The following CST3 variants were observed in gnomAD, a reference collection of about 807,000 sequenced individuals.
CST3 encodes cystatin-C.
CST3 carries 14 observed loss-of-function variants against 9.0 expected under a neutral mutation model. The ratio of observed to expected loss-of-function variants is 1.56; its 90% CI spans 1.03 to 2.44. The LOEUF (loss-of-function observed/expected upper bound fraction) is 2.44. Ranked by LOEUF, CST3 falls within the 30% of genes most tolerant of loss-of-function variation. The probability of loss-of-function intolerance (pLI) is 0.00; values close to 1 mark genes in which losing one functional copy is unlikely to be tolerated. For synonymous variants in CST3, 96 were observed against 90.2 expected (o/e 1.06, Z -0.37); for missense variants, 237 against 204.3 (o/e 1.16, Z -0.98).
chr20:23,636,073 C>G (rs1470738196), intron 1 of CST3, among the ~76,000 whole-genome samples: 1 of 152,182 alleles, frequency 6.6e-6, no homozygotes, highest in African/African-American at 2.4e-5. Context: ...TGTGATCCCT[C>G]TGGTGTCAGT....
chr20:23,637,487 G>A (rs1247265151), intron 1 of CST3, 133 bp downstream of exon 1: 3 of 918,264 alleles, frequency 3.3e-6, no homozygotes, highest in East Asian at 6.5e-5. Flanking sequence ...GGGGGTGACA[G>A]CGAAGACCGG....
At chr20:23,632,154 A>C (rs734801), downstream of CST3, 2 of 152,302 alleles carry the variant, frequency 1.3e-5, no homozygotes, top group African/African-American at 4.8e-5. Flanking sequence ...GCAGGGAAGG[A>C]AGCAGACACA....
chr20:23,627,615 G>C (rs780926214), exon 4 of CST3: 9 of 152,158 alleles, frequency 5.9e-5, no homozygotes, highest in Non-Finnish European at 4.4e-5. Context: ...GAAAACTTGT[G>C]AAACTGTTTT....
At chr20:23,632,353 C>T (rs1418684599), downstream of CST3, 3 of 152,248 alleles carry the variant, frequency 2.0e-5, no homozygotes, top group Non-Finnish European at 4.4e-5. Context: ...TGCAGGGACC[C>T]TTTACCACTG....
chr20:23,626,912 G>A (rs1979275952), exon 4 of CST3: 1 of 152,136 alleles, frequency 6.6e-6, no homozygotes, highest in African/African-American at 2.4e-5. Context: ...GTTTAATTTT[G>A]TCGAGGCTTG....
intron 2 of CST3, 127 bp from the exon 3 acceptor site, chr20:23,634,126 T>G: frequency 1.3e-6 from 1 of 765,036 alleles, no homozygotes; most frequent in Non-Finnish European, 2.3e-6. Flanking sequence ...TATCTACCCC[T>G]CCACCCACCC....
downstream of CST3, among the ~76,000 whole-genome samples, chr20:23,632,926 C>T (rs1417393576): frequency 2.0e-5 from 3 of 152,210 alleles, no homozygotes; most frequent in African/African-American, 7.2e-5. Context: ...ACTGCATTGT[C>T]GGTCTCATTT....
exon 4 of CST3, chr20:23,628,053 TG>T (rs1490788477): frequency 7.2e-5 from 11 of 152,094 alleles, no homozygotes; most frequent in East Asian, 5.8e-4. Flanking sequence ...TCATGTGTGT[TG>T]TTTTTTTTTG....
chr20:23,635,455 G>T, intron 1 of CST3, 88 bp from the exon 2 acceptor site: 1 of 1,173,226 alleles, frequency 8.5e-7, no homozygotes, highest in Non-Finnish European at 1.2e-6. Context: ...CGGGTCACTG[G>T]GCTTGCCTGG....
At chr20:23,628,351 C>G (rs900485201) in exon 4 of CST3, 12 of 152,190 alleles carry the variant, frequency 7.9e-5, no homozygotes, top group African/African-American at 2.7e-4. Flanking sequence ...TCCTTGAACA[C>G]AAGTCCATTG....
At position 23,637,605 on chromosome 20, in the gene CST3, G is replaced by C. The variant is rs778669526; in HGVS notation, c.243+15C>G. 5 of 1,509,052 alleles carry C rather than the reference G, an allele frequency of 3.3e-6. No individual in the cohort carries two copies. The South Asian group carries it at 5.0e-5, about 15-fold the overall frequency. 93.5% of individuals were successfully genotyped at this position (1,509,052 alleles called of 1,614,324 possible). On this transcript the variant is annotated intron_variant, in intron 1 of 2. Transcript: ENST00000376925. ...CGGGGCCGGGGCTTCGGACCCTGCG[G>C]GGGGCGGCACGCACCTGCTTGCGGG...
rs749804609 is a variant in CST3, at chr20:23,633,906, G to C, written c.*10C>G. On this transcript the variant is annotated 3_prime_UTR_variant, in exon 3 of 3. Coordinates refer to ENST00000376925, the MANE Select transcript of CST3 (RefSeq NM_000099.4). ...GAGGTGATAGGCACAGGCCAGCCCG[G>C]TACAGACCCCTAGGCGTCCTGACAG... The C allele has an allele frequency of 9.3e-6, 15 of 1,612,678 alleles. No individual in the cohort carries two copies. The Admixed American group carries it at 1.3e-4, about 14-fold the overall frequency.
At chr20:23,634,307 G>A (rs774968433) in intron 2 of CST3, among the ~76,000 whole-genome samples, 3 of 152,288 alleles carry the variant, frequency 2.0e-5, no homozygotes, top group Non-Finnish European at 1.5e-5. Context: ...TAAGGGTACA[G>A]GGCAGGGGGA....
downstream of CST3, among the ~76,000 whole-genome samples, chr20:23,632,613 G>T (rs113343416): frequency 3.2e-3 from 481 of 152,312 alleles, no homozygotes; most frequent in African/African-American, 0.011. Context: ...GTGGGGTGCT[G>T]GCCTTGGCGC....
chr20:23,637,681 T>C lies in CST3; in HGVS notation c.182A>G (p.Asn61Ser). Residue 61 changes from asparagine (N) to serine (S), a missense_variant, in exon 1 of 3, where the codon AAC becomes AGC. Coordinates refer to ENST00000376925, the MANE Select transcript of CST3 (RefSeq NM_000099.4). ...RALDFAVGEY[N>S]KASNDMYHSR... ...GTGGTACATGTCGTTGCTGGCTTTG[T>C]TGTACTCGCCGACGGCAAAGTCCAG... 1.3e-6 allele frequency: 2 copies of C among 1,540,310 alleles called. No individual in the cohort carries two copies. Among genetic ancestry groups the C allele is most frequent in the Non-Finnish European group, 1.7e-6 (2 of 1,143,906 alleles).
chr20:23,634,081 G>C (rs1979562257), intron 2 of CST3, 82 bp from the exon 3 acceptor site: 1 of 1,129,592 alleles, frequency 8.9e-7, no homozygotes, highest in Non-Finnish European at 1.3e-6. Context: ...ATCAGAGTGG[G>C]AGTGAAGAAG....
chr20:23,632,198 C>G (rs926366581), downstream of CST3: 1 of 152,338 alleles, frequency 6.6e-6, no homozygotes, highest in Non-Finnish European at 1.5e-5. Flanking sequence ...CACAGCCCGC[C>G]CCCAACCTCA....
intron 1 of CST3, among the ~76,000 whole-genome samples, chr20:23,637,195 C>T (rs1979710520): frequency 6.6e-6 from 1 of 152,190 alleles, no homozygotes; most frequent in Admixed American, 6.5e-5. Context: ...TTAAAAGAAA[C>T]AAAAGTGCTT....
In CST3 at chr20:23,637,903, G is replaced by C; in HGVS notation, c.-41C>G. On this transcript the variant is annotated 5_prime_UTR_variant, in exon 1 of 3. Coordinates refer to ENST00000376925, the MANE Select transcript of CST3 (RefSeq NM_000099.4). ...GGGACGCGGGGAGTGGGGCGCAGGC[G>C]AGAGGCTGGAGCTAGATAGAGAGGA... The C allele has an allele frequency of 7.3e-7, 1 of 1,377,612 alleles. No individual in the cohort carries two copies. Among genetic ancestry groups the C allele is most frequent in the Non-Finnish European group, 9.3e-7 (1 of 1,076,466 alleles). The allele number at this position is 1,377,612 out of a possible 1,614,324, so 85.3% of individuals were successfully genotyped here. A position where few individuals can be genotyped will look rare whatever the true frequency, so the allele number is the denominator to read the frequency against.
Sources: gnomAD v4.1 joint callset for allele counts (sites outside exome capture counted in the v4.1 genomes callset) on GRCh38, gnomAD v4.1.1 for gene constraint, MANE v1.5 for transcripts, NCBI Gene and HGNC (gene_info 2026-07-23, HGNC 2026-07-21) for gene names.